Variants in MACF1 observed in about 807,000 individuals in gnomAD.
MACF1 encodes the protein microtubule-actin cross-linking factor 1.
In MACF1, 193 loss-of-function variants were observed where a neutral mutation model predicts 854.8. That is an observed-to-expected ratio of 0.23 (90% CI 0.20 to 0.25). MACF1 has a LOEUF of 0.25. MACF1 is among the 10% of genes least tolerant of loss of function. The probability of loss-of-function intolerance (pLI) is 1.00; values close to 1 mark genes in which losing one functional copy is unlikely to be tolerated. For missense variants in MACF1, 7,722 were observed against 8,929.1 expected, an observed-to-expected ratio of 0.86 and a Z score of 5.45; for synonymous variants, 3,185 against 3,226.7, an observed-to-expected ratio of 0.99 and a Z score of 0.44.
Position 39,380,367 on chromosome 1 carries a change from G to T in MACF1, c.13642G>T (p.Glu4548Ter). ...EAENWKKIQE[E>*]LNSRWERATE... is the part of the protein sequence containing the mutation. The stretch of plus-strand genomic sequence containing the variant: ...AGAAAATTGGAAGAAAATTCAGGAA[G>T]AACTCAGTAAGTTTTCACAAGAGTG... The change falls in exon 55 of 101, where the codon GAA becomes TAA. Residue 4548 changes from glutamate (E) to a stop codon, truncating the protein, a stop_gained. Transcript: ENST00000564288. LOFTEE classifies it high-confidence loss of function. The T allele has an allele frequency of 6.2e-7, 1 of 1,612,804 alleles. No individual in the cohort carries two copies. The highest frequency in any genetic ancestry group is 1.1e-5 in the South Asian group (1 of 90,808).
At chr1:39,225,346 A>G (rs1450519673) in intron 1 of MACF1, among the ~76,000 whole-genome samples, 1 of 149,956 alleles carries the variant, frequency 6.7e-6, no homozygotes, top group African/African-American at 2.5e-5. Flanking sequence ...CCTCCCGAGT[A>G]GCTGGGACTA....
At chr1:39,418,228 A>C (rs1643401518) in intron 58 of MACF1, among the ~76,000 whole-genome samples, 1 of 152,138 alleles carries the variant, frequency 6.6e-6, no homozygotes, top group Non-Finnish European at 1.5e-5. Flanking sequence ...TTATTGATTT[A>C]AGGAAGAGGT....
At chr1:39,461,634 C>CA (rs903457221) in intron 92 of MACF1, among the ~76,000 whole-genome samples, 3 of 151,024 alleles carry the variant, frequency 2.0e-5, no homozygotes, top group Admixed American at 6.6e-5. Flanking sequence ...ACTAAAAATA[C>CA]AAAAAAAATT....
intron 36 of MACF1, among the ~76,000 whole-genome samples, chr1:39,329,799 G>A (rs1646685258): frequency 6.6e-6 from 1 of 152,214 alleles, no homozygotes; most frequent in African/African-American, 2.4e-5. Flanking sequence ...TTCTTTAGGA[G>A]CTGTTTCTAG....
chr1:39,283,049 T>TA lies in MACF1; in HGVS notation c.696-139dup. On this transcript the variant is annotated intron_variant, in intron 7 of 100. Coordinates refer to ENST00000564288, the MANE Select transcript of MACF1 (RefSeq NM_001394062.1). The surrounding 1 kb of genome is among the most constrained non-coding windows in gnomAD (Gnocchi z 4.5). ...GGTGTATACTTAAAAATGGAATTTG[T>TA]ACTCTTCTAAACCTCCTGCTTTTTC... 6.5e-6 allele frequency: 4 copies of TA among 610,864 alleles called. No homozygotes were observed. The highest frequency in any genetic ancestry group is 1.2e-5 in the Non-Finnish European group (4 of 343,578). The allele number at this position is 610,864 out of a possible 1,614,324, so 37.8% of individuals were successfully genotyped here. A position where few individuals can be genotyped will look rare whatever the true frequency, so the allele number is the denominator to read the frequency against.
rs959790840 is a variant in MACF1 at position 39,324,474 on chromosome 1, T to C, written c.4389+129T>C. The C allele has an allele frequency of 8.0e-6, 10 of 1,245,048 alleles. No homozygotes were observed. In the Admixed American group the frequency reaches 2.6e-4, roughly 32 times the overall value. 77.1% of individuals were successfully genotyped at this position (1,245,048 alleles called of 1,614,324 possible). On this transcript the variant is annotated intron_variant, in intron 34 of 100. Transcript: ENST00000564288. ...TACCTGAGTAAATGTTAAAGAAACT[T>C]AAGAAGCCATCTTGTTTGTTCTTGT...
chr1:39,439,206 T>G, intron 71 of MACF1, 68 bp from the exon 72 acceptor site: 1 of 862,134 alleles, frequency 1.2e-6, no homozygotes, highest in South Asian at 1.6e-5. Context: ...TTACATGGAA[T>G]TTCTGAATAG....
chr1:39,467,167 C>A (rs1326393388), intron 95 of MACF1, among the ~76,000 whole-genome samples: 1 of 152,118 alleles, frequency 6.6e-6, no homozygotes, highest in African/African-American at 2.4e-5. Context: ...GAGATCGAGA[C>A]TAACCTGGCT....
chr1:39,435,471 A>C lies in MACF1; in HGVS notation c.17785-87A>C, dbSNP rs1405955749. 1.2e-4 allele frequency: 129 copies of C among 1,119,650 alleles called. No individual in the cohort carries two copies. In the East Asian group the frequency reaches 3.0e-3, roughly 26 times the overall value. 69.4% of individuals were successfully genotyped at this position (1,119,650 alleles called of 1,614,324 possible). On this transcript the variant is annotated intron_variant, in intron 69 of 100. Transcript: ENST00000564288. The stretch of plus-strand genomic sequence containing the variant: ...TTTAACAATTTTGTTTGTTCCTCTT[A>C]AAGTTGATATTAGCTCTGATCAAAG...
In MACF1 at chr1:39,379,450, G is replaced by A. The variant is rs1247522059; in HGVS notation, c.13518+6G>A. ...CCCAAGCTGAATCTAACAAGGTACTGTGTTTACATTAGTTGCCTCCCAACA... is the reference window on the plus strand; with the variant it reads ...CCCAAGCTGAATCTAACAAGGTACTATGTTTACATTAGTTGCCTCCCAACA... On this transcript the variant is annotated splice_donor_region_variant and intron_variant, in intron 54 of 100. Coordinates refer to ENST00000564288, the MANE Select transcript of MACF1 (RefSeq NM_001394062.1). The A allele has an allele frequency of 6.2e-7, 1 of 1,609,698 alleles. No homozygotes were observed. The highest frequency in any genetic ancestry group is 8.5e-7 in the Non-Finnish European group (1 of 1,177,992).
chr1:39,425,903 TTTAC>T (rs1258144049), intron 61 of MACF1, among the ~76,000 whole-genome samples: 1 of 152,214 alleles, frequency 6.6e-6, no homozygotes, highest in Non-Finnish European at 1.5e-5. Context: ...TTCCTTCTAC[TTTAC>T]TTGTTTCCAT....
At chr1:39,095,908 C>A (rs903350306) in intron 2 of MACF1, among the ~76,000 whole-genome samples, 1 of 151,998 alleles carries the variant, frequency 6.6e-6, no homozygotes, top group Non-Finnish European at 1.5e-5. Context: ...ATGGCTCATG[C>A]CTGTAATCCC....
chr1:39,405,826 G>C (rs1642673932), intron 58 of MACF1, among the ~76,000 whole-genome samples: 1 of 152,032 alleles, frequency 6.6e-6, no homozygotes, highest in Admixed American at 6.5e-5. Context: ...GGTCTCTGGA[G>C]CTCCCTGTAT....
At chr1:39,293,649 T>C in intron 18 of MACF1, 30 bp downstream of exon 18, 1 of 1,592,994 alleles carries the variant, frequency 6.3e-7, no homozygotes. Context: ...AGGCCTGTCA[T>C]ACTTATTTAA....
At chr1:39,112,418 G>A (rs993942769) in intron 2 of MACF1, among the ~76,000 whole-genome samples, 8 of 152,072 alleles carry the variant, frequency 5.3e-5, no homozygotes, top group Non-Finnish European at 8.8e-5. Flanking sequence ...TATTAAAGAA[G>A]TAAGATGTAA....
At chr1:39,201,091 T>G (rs1644385008), upstream of MACF1, among the ~76,000 whole-genome samples, 1 of 152,232 alleles carries the variant, frequency 6.6e-6, no homozygotes, top group Non-Finnish European at 1.5e-5. Context: ...AGCAGTTCTA[T>G]CCTTTCAATT....
chr1:39,434,449 C>T lies in MACF1; in HGVS notation c.17601C>T (p.Ala5867=), dbSNP rs559882903. 2.9e-4 allele frequency: 466 copies of T among 1,611,010 alleles called. 4 individuals carry two copies. The South Asian group carries it at 4.8e-3, about 17-fold the overall frequency. ...KTESLIQQYE[A]ISLLNSERYA... ...AGTCTCTAATACAGCAATATGAAGC[C>T]ATTAGCCTACTCAATTCAGAGCGTT... Residue 5867 remains alanine, a synonymous_variant, in exon 69 of 101, where the codon GCC becomes GCT. Transcript: ENST00000564288.
At chr1:39,282,168 T>A in intron 6 of MACF1, 40 bp from the exon 7 acceptor site, 2 of 1,599,920 alleles carry the variant, frequency 1.3e-6, no homozygotes, top group East Asian at 4.5e-5. Context: ...AGACTTTGTC[T>A]TATTTATAAT....
At chr1:39,293,418 A>G in intron 17 of MACF1, 40 bp from the exon 18 acceptor site, 2 of 1,555,698 alleles carry the variant, frequency 1.3e-6, no homozygotes, top group Non-Finnish European at 1.7e-6. Flanking sequence ...TACAGATACA[A>G]AGGCTGCCAG....
Sources: gnomAD v4.1 joint callset for allele counts (sites outside exome capture counted in the v4.1 genomes callset) on GRCh38, gnomAD v4.1.1 for gene constraint, Gnocchi (gnomAD v3.1) non-coding constraint, MANE v1.5 for transcripts, NCBI Gene and HGNC (gene_info 2026-07-23, HGNC 2026-07-21) for gene names.